Variants in SAP30BP observed in about 807,000 individuals in gnomAD.
SAP30BP encodes SAP30 binding protein, also known as SAP30-binding protein.
In SAP30BP, 31 loss-of-function variants were observed where a neutral mutation model predicts 46.3. That is an observed-to-expected ratio of 0.67 (90% CI 0.50 to 0.90). SAP30BP has a LOEUF of 0.90. SAP30BP is among the 40% of genes least tolerant of loss of function. SAP30BP has a pLI of 0.00. For synonymous variants in SAP30BP, 169 were observed against 144.2 expected (o/e 1.17, Z -1.23); for missense variants, 312 against 391.0 (o/e 0.80, Z 1.70).
At chr17:75,704,681 A>G in intron 8 of SAP30BP, 75 bp from the exon 9 acceptor site, 2 of 1,091,936 alleles carry the variant, frequency 1.8e-6, no homozygotes, top group Non-Finnish European at 1.4e-6. Context: ...AAAAGAACGC[A>G]GGGATCAGAG....
intron 3 of SAP30BP, among the ~76,000 whole-genome samples, chr17:75,677,710 T>C (rs1458508576): frequency 6.7e-6 from 1 of 148,554 alleles, no homozygotes; most frequent in East Asian, 2.0e-4. Flanking sequence ...CCTTCCATAG[T>C]GCTGGGATTA....
At chr17:75,698,681 C>T (rs1257186687) in intron 4 of SAP30BP, among the ~76,000 whole-genome samples, 1 of 152,044 alleles carries the variant, frequency 6.6e-6, no homozygotes, top group Non-Finnish European at 1.5e-5. Flanking sequence ...GCAGTGGTGG[C>T]TGGAGCTGGC....
chr17:75,668,749 G>A, intron 2 of SAP30BP, 124 bp downstream of exon 2: 1 of 631,872 alleles, frequency 1.6e-6, no homozygotes, highest in South Asian at 2.0e-5. Flanking sequence ...TTTTGTTTTA[G>A]TATTAGTGGA....
chr17:75,676,509 T>G (rs1012478403), intron 3 of SAP30BP, among the ~76,000 whole-genome samples: 1 of 152,272 alleles, frequency 6.6e-6, no homozygotes, highest in Admixed American at 6.5e-5. Context: ...TTTCAATATG[T>G]GCTATCAGAG....
intron 3 of SAP30BP, among the ~76,000 whole-genome samples, chr17:75,686,940 C>G (rs1006220024): frequency 6.6e-6 from 1 of 152,186 alleles, no homozygotes; most frequent in African/African-American, 2.4e-5. Context: ...TAAAGGTAAT[C>G]CAGCATTGTT....
chr17:75,675,650 T>A (rs1446204605), intron 3 of SAP30BP, among the ~76,000 whole-genome samples: 1 of 152,102 alleles, frequency 6.6e-6, no homozygotes, highest in Non-Finnish European at 1.5e-5. Flanking sequence ...CACAGTGACT[T>A]GTGCCTGTAA....
At chr17:75,679,899 G>A (rs2060049876) in intron 3 of SAP30BP, 1 of 152,208 alleles carries the variant, frequency 6.6e-6, no homozygotes, top group Non-Finnish European at 1.5e-5. Flanking sequence ...GTTTACCTTT[G>A]GCACCCGAAC....
chr17:75,706,165 GAC>G lies in SAP30BP; in HGVS notation c.745+75_745+76del. ...GTCTCCCTGGCTTGTTTGGGCGACA[GAC>G]AGCACGTGGATCTGGGCCTGGGCTC... On this transcript the variant is annotated intron_variant, in intron 10 of 10. Coordinates refer to ENST00000584667, the MANE Select transcript of SAP30BP (RefSeq NM_013260.8). The surrounding 1 kb of genome is among the most constrained non-coding windows in gnomAD (Gnocchi z 4.6). 1.3e-6 allele frequency: 2 copies of G among 1,573,138 alleles called. No individual in the cohort carries two copies. Among genetic ancestry groups the G allele is most frequent in the Non-Finnish European group, 1.7e-6 (2 of 1,161,422 alleles).
Position 75,702,461 on chromosome 17 carries a change from C to A in SAP30BP, c.397-19C>A. ...GCTTCTGTCATACACCCCCCCACCCCCTCTGCTCCTCTTCACAGGACAAGA... is the reference window on the plus strand; with the variant it reads ...GCTTCTGTCATACACCCCCCCACCCACTCTGCTCCTCTTCACAGGACAAGA... On this transcript the variant is annotated intron_variant, in intron 5 of 10. Transcript: ENST00000584667. 8.2e-7 allele frequency: 1 copy of A among 1,225,482 alleles called. No homozygotes were observed. Among genetic ancestry groups the A allele is most frequent in the Non-Finnish European group, 1.2e-6 (1 of 834,728 alleles). 75.9% of individuals were successfully genotyped at this position (1,225,482 alleles called of 1,614,324 possible). A position where few individuals can be genotyped will look rare whatever the true frequency, so the allele number is the denominator to read the frequency against.
rs201392633 is a variant in SAP30BP at position 75,706,430 on chromosome 17, C to T, written c.836C>T (p.Pro279Leu). ...PTILTTTATL[P>L]AVVTVTTSAS... ...ATCCTCACCACCACAGCCACCCTGC[C>T]AGCTGTTGTCACGGTCACCACCAGC... is the stretch of plus-strand genomic sequence containing the variant. The change falls in exon 11 of 11, where the codon CCA becomes CTA. Residue 279 changes from proline to leucine, a missense_variant. Around this residue, in one of 2 missense-constraint regions of SAP30BP, gnomAD observed 16 missense variants for 44.4 expected, o/e 0.36. Coordinates refer to ENST00000584667, the MANE Select transcript of SAP30BP (RefSeq NM_013260.8). This position sits in a 1 kb window ranked among gnomAD's most constrained non-coding sequence, Gnocchi z 4.6. 1.2e-6 allele frequency: 2 copies of T among 1,614,184 alleles called. No individual in the cohort carries two copies. The highest frequency in any genetic ancestry group is 2.7e-5 in the African/African-American group (2 of 75,056).
chr17:75,690,353 A>G (rs577380467), intron 3 of SAP30BP, among the ~76,000 whole-genome samples: 1 of 152,190 alleles, frequency 6.6e-6, no homozygotes, highest in African/African-American at 2.4e-5. Flanking sequence ...ATTGGATGAA[A>G]CTTGATTCAG....
chr17:75,680,837 C>G (rs768160743), intron 3 of SAP30BP, among the ~76,000 whole-genome samples: 11 of 152,130 alleles, frequency 7.2e-5, no homozygotes, highest in Non-Finnish European at 1.3e-4. Flanking sequence ...GAGTTTGAGA[C>G]CAGCCTGGGC....
At chr17:75,668,477 C>G in intron 1 of SAP30BP, 39 bp from the exon 2 acceptor site, 8 of 1,194,116 alleles carry the variant, frequency 6.7e-6, no homozygotes, top group Non-Finnish European at 9.4e-6. Flanking sequence ...TTTTTTTTTT[C>G]TTGCTTTTTG....
At chr17:75,682,520 A>C (rs112232048) in intron 3 of SAP30BP, among the ~76,000 whole-genome samples, 4 of 152,096 alleles carry the variant, frequency 2.6e-5, no homozygotes, top group African/African-American at 9.7e-5. Context: ...AGCCATTTTT[A>C]TTCTTCTTTT....
At position 75,704,826 on chromosome 17, in the gene SAP30BP, C is replaced by T. The variant is rs2060470231; in HGVS notation, c.660+12C>T. On this transcript the variant is annotated intron_variant, in intron 9 of 10. Transcript: ENST00000584667. ...AGGAGCGAACAAAAGTAAGTGATGG[C>T]AGACCTCCTAGATGAAAAAGGCACA... The T allele has an allele frequency of 6.2e-7, 1 of 1,607,748 alleles. No individual in the cohort carries two copies. Among genetic ancestry groups the T allele is most frequent in the African/African-American group, 1.3e-5 (1 of 74,906 alleles).
chr17:75,669,684 C>A (rs1457487052), intron 2 of SAP30BP, among the ~76,000 whole-genome samples: 1 of 152,216 alleles, frequency 6.6e-6, no homozygotes, highest in African/African-American at 2.4e-5. Flanking sequence ...AGCCACCATC[C>A]CTGGCCTTCT....
chr17:75,697,056 T>C (rs532750953), intron 4 of SAP30BP, among the ~76,000 whole-genome samples: 6 of 152,120 alleles, frequency 3.9e-5, no homozygotes, highest in East Asian at 3.9e-4. Flanking sequence ...GGATTACAGG[T>C]GTGAGCCACC....
At chr17:75,693,753 T>C (rs1371505738) in intron 4 of SAP30BP, among the ~76,000 whole-genome samples, 1 of 152,240 alleles carries the variant, frequency 6.6e-6, no homozygotes, top group Non-Finnish European at 1.5e-5. Context: ...GGCACTCAGC[T>C]GGGAGCGTGT....
At chr17:75,703,268 G>T in intron 6 of SAP30BP, 43 bp from the exon 7 acceptor site, 2 of 1,595,844 alleles carry the variant, frequency 1.3e-6, no homozygotes, top group Non-Finnish European at 1.7e-6. Context: ...CCCATGCAGG[G>T]ACGTGGACTT....
Sources: allele counts gnomAD v4.1 joint callset (sites outside exome capture counted in the v4.1 genomes callset), GRCh38; gene constraint gnomAD v4.1.1; regional missense constraint gnomAD v4.1.1; non-coding constraint Gnocchi (gnomAD v3.1); transcripts MANE v1.5; gene names NCBI Gene and HGNC (gene_info 2026-07-23, HGNC 2026-07-21).